TMEM94: variants seen among roughly 807,000 people sequenced by gnomAD.
The protein encoded by TMEM94 is transmembrane protein 94, also known as ER Mg2+ ATPase.
In TMEM94, 81 loss-of-function variants were observed where a neutral mutation model predicts 158.6. The ratio of observed to expected loss-of-function variants is 0.51; its 90% confidence interval spans 0.43 to 0.61. The LOEUF is 0.61. Among genes scored for constraint, TMEM94 ranks in the 20% least tolerant of loss-of-function variants. TMEM94 has a pLI of 0.00. For synonymous variants in TMEM94, 751 were observed against 730.7 expected, an observed-to-expected ratio of 1.03 and a Z score of -0.45; for missense variants, 1,435 against 1,762.0, an observed-to-expected ratio of 0.81 and a Z score of 3.32.
intron 2 of TMEM94, among the ~76,000 whole-genome samples, chr17:75,479,430 C>T (rs1243625956): frequency 6.6e-6 from 1 of 152,134 alleles, no homozygotes; most frequent in Non-Finnish European, 1.5e-5. Flanking sequence ...AGCGATTCCC[C>T]TGCCTCAGCC....
At chr17:75,497,232 CCTA>C in intron 26 of TMEM94, 34 bp downstream of exon 26, 1 of 1,566,610 alleles carries the variant, frequency 6.4e-7, no homozygotes, top group South Asian at 1.1e-5. Context: ...ACACCCCATG[CCTA>C]AGCAGGAGGT....
At position 75,489,974 on chromosome 17, in the gene TMEM94, G is replaced by A; in HGVS notation, c.955-260G>A. On this transcript the variant is annotated intron_variant, in intron 9 of 31. Transcript: ENST00000314256. This position sits in a 1 kb window ranked among gnomAD's most constrained non-coding sequence, Gnocchi z 5.0. The stretch of plus-strand genomic sequence containing the variant: ...CGTGCCTGTGGTCCCAGCCATTCAG[G>A]TGGCTGAGGTGGGAGAATCCCTTGA... The A allele has an allele frequency of 1.8e-6, 1 of 569,160 alleles. No homozygotes were observed. Among genetic ancestry groups the A allele is most frequent in the East Asian group, 3.0e-5 (1 of 32,900 alleles). 35.3% of individuals were successfully genotyped at this position (569,160 alleles called of 1,614,324 possible). A position where few individuals can be genotyped will look rare whatever the true frequency, so the allele number is the denominator to read the frequency against.
chr17:75,495,803 C>T lies in TMEM94; in HGVS notation c.2944+160C>T, dbSNP rs936438822. ...GCTGGGGAATCTTGTGGGTTGGAGTCAGAAGTGCCGATGTTCACATGATCC... is the reference window on the plus strand; with the variant it reads ...GCTGGGGAATCTTGTGGGTTGGAGTTAGAAGTGCCGATGTTCACATGATCC... On this transcript the variant is annotated intron_variant, in intron 22 of 31. Transcript: ENST00000314256. The surrounding 1 kb of genome is among the most constrained non-coding windows in gnomAD (Gnocchi z 5.6). 1.2e-6 allele frequency: 1 copy of T among 844,538 alleles called. No individual in the cohort carries two copies. Among genetic ancestry groups the T allele is most frequent in the Non-Finnish European group, 1.9e-6 (1 of 528,162 alleles). 52.3% of individuals were successfully genotyped at this position (844,538 alleles called of 1,614,324 possible).
At chr17:75,480,094 GA>G (rs11440424) in intron 2 of TMEM94, among the ~76,000 whole-genome samples, 504 of 136,448 alleles carry the variant, frequency 3.7e-3, no homozygotes, top group African/African-American at 9.1e-3. Flanking sequence ...GGTCTCAAAG[GA>G]AAAAAAAAAA....
intron 2 of TMEM94, among the ~76,000 whole-genome samples, chr17:75,479,570 G>C (rs901522363): frequency 6.6e-6 from 1 of 151,746 alleles, no homozygotes; most frequent in Non-Finnish European, 1.5e-5. Context: ...CCCCTGCCTC[G>C]GCCTCCCAAA....
At chr17:75,496,985 C>G in intron 25 of TMEM94, 128 bp from the exon 26 acceptor site, 1 of 1,027,250 alleles carries the variant, frequency 9.7e-7, no homozygotes, top group Non-Finnish European at 1.5e-6. Context: ...AGTATTCCCT[C>G]CGGCCCCTGT....
chr17:75,493,475 G>T lies in TMEM94; in HGVS notation c.2087-16G>T. On this transcript the variant is annotated splice_polypyrimidine_tract_variant and intron_variant, in intron 16 of 31. Coordinates refer to ENST00000314256, the MANE Select transcript of TMEM94 (RefSeq NM_014738.6). The stretch of plus-strand genomic sequence containing the variant: ...GGCTGGTTAGCGACACTCAGGGTTT[G>T]AACTCTCTCCCCCAGGCACAGAGCA... 1.2e-6 allele frequency: 2 copies of T among 1,612,694 alleles called. No individual in the cohort carries two copies. The highest frequency in any genetic ancestry group is 2.2e-5 in the South Asian group (2 of 91,014).
At chr17:75,463,009 A>G (rs1175019251) in intron 1 of TMEM94, among the ~76,000 whole-genome samples, 1 of 4,270 alleles carries the variant, frequency 2.3e-4, no homozygotes, top group East Asian at 0.01. Flanking sequence ...TAAAAAAAGT[A>G]AAAAAAAAAA....
intron 2 of TMEM94, among the ~76,000 whole-genome samples, chr17:75,476,140 G>C (rs2050679976): frequency 6.6e-6 from 1 of 152,194 alleles, no homozygotes; most frequent in African/African-American, 2.4e-5. Context: ...CTCACCCAGT[G>C]ACTTGGGGAC....
Position 75,487,861 on chromosome 17 carries a change from G to A in TMEM94, c.410-71G>A. 2 of 1,302,228 alleles carry A rather than the reference G, an allele frequency of 1.5e-6. No individual in the cohort carries two copies. Among genetic ancestry groups the A allele is most frequent in the Non-Finnish European group, 2.2e-6 (2 of 908,912 alleles). 80.7% of individuals were successfully genotyped at this position (1,302,228 alleles called of 1,614,324 possible). A position where few individuals can be genotyped will look rare whatever the true frequency, so the allele number is the denominator to read the frequency against. ...AAGTGGGCAGACAGTGCTTCCGGAA[G>A]TGCTGCTGTATCTGACTGGGGGGCA... On this transcript the variant is annotated intron_variant, in intron 5 of 31. Transcript: ENST00000314256. This position sits in a 1 kb window ranked among gnomAD's most constrained non-coding sequence, Gnocchi z 4.6.
rs946973311 is a variant in TMEM94 at position 75,492,067 on chromosome 17, G to A, written c.1596+167G>A. The A allele has an allele frequency of 3.7e-6, 3 of 806,244 alleles. No individual in the cohort carries two copies. In the African/African-American group the frequency reaches 5.2e-5, roughly 14 times the overall value. The allele number at this position is 806,244 out of a possible 1,614,324, so 49.9% of individuals were successfully genotyped here. On this transcript the variant is annotated intron_variant, in intron 14 of 31. Transcript: ENST00000314256. This position sits in a 1 kb window ranked among gnomAD's most constrained non-coding sequence, Gnocchi z 4.4. Reference sequence around the variant, plus strand: ...CCCTGAGGCCCTCCCCAAGTCTGCTGCGAAGTAGGTGGAGCCTCCCCCTAC... The same window carrying A: ...CCCTGAGGCCCTCCCCAAGTCTGCTACGAAGTAGGTGGAGCCTCCCCCTAC...
intron 2 of TMEM94, among the ~76,000 whole-genome samples, chr17:75,482,498 C>T (rs2051243458): frequency 6.6e-6 from 1 of 151,316 alleles, no homozygotes; most frequent in Admixed American, 6.6e-5. Context: ...CAGAGCAAGA[C>T]CCTGTCTCAA....
intron 31 of TMEM94, 48 bp from the exon 32 acceptor site, chr17:75,499,214 G>C (rs551751592): frequency 6.2e-7 from 1 of 1,609,804 alleles, no homozygotes; most frequent in South Asian, 1.1e-5. Context: ...CCCGGCCCCT[G>C]GTCTAAGGAT....
Position 75,492,167 on chromosome 17 carries a change from C to A in TMEM94, c.1596+267C>A. ...AAATATACACAGCCCGGAGCTCCCT[C>A]TTAGAGATGTTCCCTGGCCACAGAA... On this transcript the variant is annotated intron_variant, in intron 14 of 31. Transcript: ENST00000314256. The surrounding 1 kb of genome is among the most constrained non-coding windows in gnomAD (Gnocchi z 4.4). The A allele has an allele frequency of 9.1e-7, 1 of 1,100,096 alleles. No homozygotes were observed. Among genetic ancestry groups the A allele is most frequent in the Admixed American group, 2.9e-5 (1 of 34,094 alleles). 68.1% of individuals were successfully genotyped at this position (1,100,096 alleles called of 1,614,324 possible).
At position 75,499,345 on chromosome 17, in the gene TMEM94, G is replaced by C; in HGVS notation, c.*11G>C. 1 of 1,611,998 alleles carries C rather than the reference G, an allele frequency of 6.2e-7. No individual in the cohort carries two copies. On this transcript the variant is annotated 3_prime_UTR_variant, in exon 32 of 32. Coordinates refer to ENST00000314256, the MANE Select transcript of TMEM94 (RefSeq NM_014738.6). ...AACTCTCCCTTCTGAGCCACTGGCTGTGGTGGCTGTAGTTGCCCCCGTCCC... is the reference window on the plus strand; with the variant it reads ...AACTCTCCCTTCTGAGCCACTGGCTCTGGTGGCTGTAGTTGCCCCCGTCCC...
chr17:75,477,077 T>C (rs1417487373), intron 2 of TMEM94, among the ~76,000 whole-genome samples: 4 of 152,084 alleles, frequency 2.6e-5, no homozygotes, highest in Non-Finnish European at 1.5e-5. Context: ...CCATCCCTCC[T>C]CAGGGCCAAT....
chr17:75,486,441 A>G lies in TMEM94; in HGVS notation c.409+15A>G, dbSNP rs202181547. ...CCAAATCCAAGGTGAGGTCAAGGGC[A>G]GGCATATTGGTGGGAAAAGATGACC... On this transcript the variant is annotated intron_variant, in intron 5 of 31. Transcript: ENST00000314256. The G allele has an allele frequency of 1.8e-4, 293 of 1,614,170 alleles. No homozygotes were observed. The highest frequency in any genetic ancestry group is 1.8e-4 in the Non-Finnish European group (212 of 1,180,000).
chr17:75,495,935 T>C lies in TMEM94; in HGVS notation c.2945-31T>C. 6.5e-7 allele frequency: 1 copy of C among 1,530,338 alleles called. No individual in the cohort carries two copies. 94.8% of individuals were successfully genotyped at this position (1,530,338 alleles called of 1,614,324 possible). A position where few individuals can be genotyped will look rare whatever the true frequency, so the allele number is the denominator to read the frequency against. On this transcript the variant is annotated intron_variant, in intron 22 of 31. Transcript: ENST00000314256. This position sits in a 1 kb window ranked among gnomAD's most constrained non-coding sequence, Gnocchi z 5.6. ...GTGCCCACTTGGTGCTCTGCCTGCC[T>C]GACTCTGGTGCCCTTATACGCTGTC...
At position 75,491,109 on chromosome 17, in the gene TMEM94, C is replaced by T. The variant is rs2052137417; in HGVS notation, c.1189C>T (p.Leu397=). The change falls in exon 12 of 32, where the codon CTG becomes TTG. Residue 397 remains leucine (L), a synonymous_variant. Coordinates refer to ENST00000314256, the MANE Select transcript of TMEM94 (RefSeq NM_014738.6). This position sits in a 1 kb window ranked among gnomAD's most constrained non-coding sequence, Gnocchi z 5.1. The part of the protein sequence containing the change: ...LRVLGGTSPT[L]SHSSSLLHSL... The stretch of plus-strand genomic sequence containing the variant: ...GGTGCTCGGGGGGACATCGCCAACG[C>T]TGAGCCACAGTTCCAGCCTGCTGCA... The T allele has an allele frequency of 6.2e-7, 1 of 1,613,512 alleles. No homozygotes were observed. The highest frequency in any genetic ancestry group is 8.5e-7 in the Non-Finnish European group (1 of 1,179,824).
Sources: gnomAD v4.1 joint callset for allele counts (sites outside exome capture counted in the v4.1 genomes callset) on GRCh38, gnomAD v4.1.1 for gene constraint, Gnocchi (gnomAD v3.1) non-coding constraint, MANE v1.5 for transcripts, NCBI Gene and HGNC (gene_info 2026-07-23, HGNC 2026-07-21) for gene names.